ACOT7: variants seen among roughly 807,000 people sequenced by gnomAD.
ACOT7 encodes the protein cytosolic acyl coenzyme A thioester hydrolase.
ACOT7 carries 12 observed loss-of-function variants against 40.2 expected under a neutral mutation model. The ratio of observed to expected loss-of-function variants is 0.30; its 90% CI spans 0.19 to 0.48. The LOEUF (loss-of-function observed/expected upper bound fraction) is 0.48, where lower values mean the gene tolerates loss of function less well. Ranked by LOEUF, ACOT7 falls within the 20% of genes least tolerant of loss-of-function variation. The pLI is 0.99. For synonymous variants in ACOT7, 228 were observed against 219.5 expected, an observed-to-expected ratio of 1.04 and a Z score of -0.34; for missense variants, 395 against 530.8, an observed-to-expected ratio of 0.74 and a Z score of 2.51.
intron 6 of ACOT7, among the ~76,000 whole-genome samples, chr1:6,307,301 G>A (rs538578120): frequency 3.9e-5 from 6 of 152,326 alleles, no homozygotes; most frequent in South Asian, 2.1e-4. Context: ...CTGACTGCGC[G>A]GCACCAGCAC....
At chr1:6,332,483 T>C (rs1476715412) in intron 4 of ACOT7, among the ~76,000 whole-genome samples, 1 of 152,218 alleles carries the variant, frequency 6.6e-6, no homozygotes. Flanking sequence ...GGCCCGCCCA[T>C]GGCAGGACCC....
intron 7 of ACOT7, among the ~76,000 whole-genome samples, chr1:6,284,173 T>C (rs1639433654): frequency 6.6e-6 from 1 of 152,072 alleles, no homozygotes; most frequent in Non-Finnish European, 1.5e-5. Flanking sequence ...ATCCCACACA[T>C]GACACCAAGG....
intron 1 of ACOT7, among the ~76,000 whole-genome samples, chr1:6,390,344 G>A (rs1343976293): frequency 6.6e-6 from 1 of 152,170 alleles, no homozygotes; most frequent in African/African-American, 2.4e-5. Flanking sequence ...GGCCGAGGCG[G>A]GCAGATCATC....
chr1:6,318,474 A>T lies in ACOT7; in HGVS notation c.712+18T>A. 6.2e-7 allele frequency: 1 copy of T among 1,612,028 alleles called. No homozygotes were observed. Among genetic ancestry groups the T allele is most frequent in the Non-Finnish European group, 8.5e-7 (1 of 1,178,950 alleles). ...GCCAAGGGACAGGAATGGAGTGGCCAGGGCGCTTCCTTCTTACCTCCGTGC... is the reference window on the plus strand; with the variant it reads ...GCCAAGGGACAGGAATGGAGTGGCCTGGGCGCTTCCTTCTTACCTCCGTGC... On this transcript the variant is annotated intron_variant, in intron 6 of 8. Coordinates refer to ENST00000361521, the MANE Select transcript of ACOT7 (RefSeq NM_007274.4).
intron 2 of ACOT7, among the ~76,000 whole-genome samples, chr1:6,343,983 A>G (rs1641348160): frequency 6.6e-6 from 1 of 152,212 alleles, no homozygotes; most frequent in Non-Finnish European, 1.5e-5. Flanking sequence ...CCACGCCACG[A>G]TGGGGACAGC....
rs538771321 is a variant in ACOT7 at position 6,340,067 on chromosome 1, G to A, written c.262-478C>T. Among the ~76,000 whole-genome samples the A allele has an allele frequency of 1.6e-4, 24 of 151,706 alleles. No homozygotes were observed. In the East Asian group the frequency reaches 4.2e-3, roughly 27 times the overall value. ...TGCAAGCGCCGCCTCCCAGATTCACGCCATTCTCCTGCCTCAGCCTCCCGA... is the reference window on the plus strand; with the variant it reads ...TGCAAGCGCCGCCTCCCAGATTCACACCATTCTCCTGCCTCAGCCTCCCGA... On this transcript the variant is annotated intron_variant, in intron 2 of 8. Coordinates refer to ENST00000361521, the MANE Select transcript of ACOT7 (RefSeq NM_007274.4).
intron 1 of ACOT7, among the ~76,000 whole-genome samples, chr1:6,381,688 T>C (rs1642338050): frequency 1.3e-5 from 2 of 151,832 alleles, no homozygotes. Context: ...TCTGGGAATA[T>C]ATCCTAAAGA....
intron 4 of ACOT7, among the ~76,000 whole-genome samples, chr1:6,327,821 T>A (rs932057448): frequency 6.6e-6 from 1 of 152,214 alleles, no homozygotes; most frequent in African/African-American, 2.4e-5. Flanking sequence ...TGTCCCAGGC[T>A]GAAGTGCAGT....
chr1:6,303,711 A>G (rs1222325903), intron 6 of ACOT7, among the ~76,000 whole-genome samples: 17 of 152,210 alleles, frequency 1.1e-4, no homozygotes, highest in Admixed American at 1.1e-3. Flanking sequence ...AGTAATTACA[A>G]GAGTTCTGAA....
intron 1 of ACOT7, among the ~76,000 whole-genome samples, chr1:6,388,119 T>C (rs1642470669): frequency 6.6e-6 from 1 of 151,652 alleles, no homozygotes; most frequent in Admixed American, 6.6e-5. Flanking sequence ...TTTTTTTTCT[T>C]TTTTTTTGAG....
At position 6,359,213 on chromosome 1, in the gene ACOT7, C is replaced by T. The variant is rs1051100332; in HGVS notation, c.144-9347G>A. 1 of 198,812 alleles carries T rather than the reference C, an allele frequency of 5.0e-6. No homozygotes were observed. The highest frequency in any genetic ancestry group is 8.8e-5 in the South Asian group (1 of 11,400). The allele number at this position is 198,812 out of a possible 1,614,324, so 12.3% of individuals were successfully genotyped here. A position where few individuals can be genotyped will look rare whatever the true frequency, so the allele number is the denominator to read the frequency against. On this transcript the variant is annotated intron_variant, in intron 1 of 8. Transcript: ENST00000361521. This position sits in a 1 kb window ranked among gnomAD's most constrained non-coding sequence, Gnocchi z 4.1. The stretch of plus-strand genomic sequence containing the variant: ...CTTCTCTGACAGGGCACAAGACCCC[C>T]TAGTCTTTCTCCAGGGTCTCAGCCA...
At chr1:6,356,901 A>AAGAGC (rs1641759439) in intron 1 of ACOT7, among the ~76,000 whole-genome samples, 1 of 147,936 alleles carries the variant, frequency 6.8e-6, no homozygotes, top group African/African-American at 2.5e-5. Flanking sequence ...CCTGGGCCAC[A>AAGAGC]GGGTGAGACT....
chr1:6,285,732 C>A (rs1413939878), intron 7 of ACOT7, among the ~76,000 whole-genome samples: 1 of 152,186 alleles, frequency 6.6e-6, no homozygotes, highest in Non-Finnish European at 1.5e-5. Context: ...CCGACAAGCA[C>A]TGCCTGCAGA....
chr1:6,287,489 G>A (rs150016429), intron 7 of ACOT7, among the ~76,000 whole-genome samples: 3 of 152,260 alleles, frequency 2.0e-5, no homozygotes, highest in African/African-American at 7.2e-5. Flanking sequence ...TATGAAGCAG[G>A]TGGCACAATG....
intron 1 of ACOT7, 29 bp downstream of exon 1, chr1:6,393,228 C>T (rs1225888034): frequency 1.9e-5 from 24 of 1,267,826 alleles, no homozygotes; most frequent in Non-Finnish European, 2.4e-5. Flanking sequence ...CGCCTGGCCG[C>T]TGCAGGCTGC....
intron 6 of ACOT7, among the ~76,000 whole-genome samples, chr1:6,315,396 TCGTG>T (rs1233220681): frequency 7.9e-5 from 12 of 152,198 alleles, no homozygotes; most frequent in African/African-American, 2.4e-4. Context: ...AAATCACAGT[TCGTG>T]TTTTCAATGT....
intron 1 of ACOT7, among the ~76,000 whole-genome samples, chr1:6,379,045 G>A (rs1233925726): frequency 4.0e-5 from 6 of 151,568 alleles, no homozygotes; most frequent in African/African-American, 4.8e-5. Flanking sequence ...ACAGGCGCCC[G>A]CCATCACGCC....
intron 8 of ACOT7, among the ~76,000 whole-genome samples, chr1:6,266,815 C>T (rs1181036759): frequency 6.6e-6 from 1 of 152,254 alleles, no homozygotes; most frequent in Non-Finnish European, 1.5e-5. Context: ...CTGTAGCAGG[C>T]AGAGCAAGAG....
intron 5 of ACOT7, among the ~76,000 whole-genome samples, chr1:6,323,104 T>C (rs1366723267): frequency 6.6e-6 from 1 of 151,800 alleles, no homozygotes; most frequent in Non-Finnish European, 1.5e-5. Context: ...CACTCCAACC[T>C]GGGCAACAAG....
Sources: allele counts gnomAD v4.1 joint callset (sites outside exome capture counted in the v4.1 genomes callset), GRCh38; gene constraint gnomAD v4.1.1; non-coding constraint Gnocchi (gnomAD v3.1); transcripts MANE v1.5; gene names NCBI Gene and HGNC (gene_info 2026-07-23, HGNC 2026-07-21).